RNF128: variants seen among roughly 807,000 people sequenced by gnomAD.
The protein encoded by RNF128 is E3 ubiquitin-protein ligase RNF128.
A neutral mutation model predicts 26.2 loss-of-function variants in RNF128; 13 were observed. That is an observed-to-expected ratio of 0.50 (90% CI 0.32 to 0.79). The LOEUF (loss-of-function observed/expected upper bound fraction) is 0.79. RNF128 is among the 30% of genes least tolerant of loss of function. The pLI, the probability that RNF128 is intolerant of heterozygous loss-of-function variation, is 0.03. For synonymous variants in RNF128, 149 were observed against 142.5 expected, an observed-to-expected ratio of 1.05 and a Z score of -0.32; for missense variants, 315 against 349.7, an observed-to-expected ratio of 0.90 and a Z score of 0.79.
At chrX:106,759,849 T>C (rs943176112) in intron 1 of RNF128, among the ~76,000 whole-genome samples, 2 of 111,574 alleles carry the variant, frequency 1.8e-5, no homozygotes, top group Non-Finnish European at 1.9e-5. Context: ...TTAGATAGAA[T>C]GAGTAAGACC....
chrX:106,714,110 G>A (rs1454926825), intron 1 of RNF128, among the ~76,000 whole-genome samples: 7 of 107,494 alleles, frequency 6.5e-5, no homozygotes, highest in Non-Finnish European at 1.2e-4. Flanking sequence ...CCCAGGAGGC[G>A]GAGCTTGCAG....
At chrX:106,771,458 C>T (rs1205115230) in intron 1 of RNF128, among the ~76,000 whole-genome samples, 5 of 112,809 alleles carry the variant, frequency 4.4e-5, no homozygotes, top group East Asian at 2.8e-4. Flanking sequence ...CAATGGCGTA[C>T]GCCCCTCCCC....
At chrX:106,721,420 G>A (rs1028620036) in intron 1 of RNF128, among the ~76,000 whole-genome samples, 2 of 112,160 alleles carry the variant, frequency 1.8e-5, no homozygotes, top group African/African-American at 6.5e-5. Context: ...TCTCTATAGA[G>A]TCGGTGTGAT....
At chrX:106,785,037 C>T in intron 2 of RNF128, 28 bp from the exon 3 acceptor site, 1 of 1,091,388 alleles carries the variant, frequency 9.2e-7, no homozygotes, top group Non-Finnish European at 1.2e-6. Context: ...AATAGTTTTT[C>T]TAATACCTGC....
At chrX:106,738,068 T>G (rs1342723206) in intron 1 of RNF128, among the ~76,000 whole-genome samples, 4 of 112,084 alleles carry the variant, frequency 3.6e-5, no homozygotes, top group Non-Finnish European at 7.5e-5. Flanking sequence ...TTGATTGCTC[T>G]GTTTTTATTT....
intron 2 of RNF128, among the ~76,000 whole-genome samples, chrX:106,782,018 A>G (rs1439044482): frequency 1.8e-5 from 2 of 112,693 alleles, no homozygotes; most frequent in South Asian, 3.6e-4. Flanking sequence ...TAAGAAAGTT[A>G]TATATTTGGC....
At chrX:106,734,615 C>T (rs1929558618) in intron 1 of RNF128, among the ~76,000 whole-genome samples, 1 of 111,413 alleles carries the variant, frequency 9.0e-6, no homozygotes, top group Non-Finnish European at 1.9e-5. Context: ...TAAGTTCTAT[C>T]GAAGTATAAT....
At chrX:106,778,697 A>G (rs1373884004) in intron 2 of RNF128, among the ~76,000 whole-genome samples, 1 of 111,500 alleles carries the variant, frequency 9.0e-6, no homozygotes. Context: ...TTGGACCCCA[A>G]CACTTAAATT....
intron 1 of RNF128, among the ~76,000 whole-genome samples, chrX:106,750,065 G>A (rs943324025): frequency 8.9e-6 from 1 of 112,030 alleles, no homozygotes; most frequent in Admixed American, 9.4e-5. Flanking sequence ...AGTTCAATCT[G>A]TAACTGAGTG....
At chrX:106,778,364 C>T (rs986419231) in intron 2 of RNF128, among the ~76,000 whole-genome samples, 1 of 112,049 alleles carries the variant, frequency 8.9e-6, no homozygotes, top group Non-Finnish European at 1.9e-5. Context: ...TATAAAAAGG[C>T]TTTGACCAAC....
chrX:106,788,357 CTATATATAATATATAT>C lies in RNF128; in HGVS notation c.887+365_887+380del, dbSNP rs1930702421. On this transcript the variant is annotated intron_variant, in intron 4 of 6. Transcript: ENST00000255499. ...TACTATATATAATATATATTATATA[CTATATATAATATATAT>C]TATATATTATATATAATATATATTA... Among the ~76,000 whole-genome samples, 3 of 34,289 alleles carry C rather than the reference CTATATATAATATATAT, an allele frequency of 8.7e-5. No individual in the cohort carries two copies. The Admixed American group carries it at 1.6e-3, about 19-fold the overall frequency. 29.8% of individuals were successfully genotyped at this position (34,289 alleles called of 115,157 possible).
intron 1 of RNF128, among the ~76,000 whole-genome samples, chrX:106,771,722 C>T (rs2147694592): frequency 8.9e-6 from 1 of 112,763 alleles, no homozygotes; most frequent in African/African-American, 3.2e-5. Context: ...GATGGCCTGC[C>T]CTGCTCCGTG....
At chrX:106,728,383 T>C (rs745516969) in intron 1 of RNF128, among the ~76,000 whole-genome samples, 145 of 112,231 alleles carry the variant, frequency 1.3e-3, no homozygotes, top group African/African-American at 4.7e-3. Context: ...ATTTCAAGTC[T>C]TAGAGTCTGG....
chrX:106,795,005 T>C (rs1325834081), intron 6 of RNF128, among the ~76,000 whole-genome samples: 1 of 112,215 alleles, frequency 8.9e-6, no homozygotes, highest in Non-Finnish European at 1.9e-5. Context: ...TTTTTGTTTT[T>C]AGCCTTACAG....
intron 1 of RNF128, among the ~76,000 whole-genome samples, chrX:106,757,645 TAGTG>T (rs1327545610): frequency 3.2e-5 from 3 of 92,582 alleles, no homozygotes; most frequent in Non-Finnish European, 6.4e-5. Flanking sequence ...GATGACGAGT[TAGTG>T]GGTGCAGCGC....
intron 1 of RNF128, among the ~76,000 whole-genome samples, chrX:106,711,147 T>G (rs1461761540): frequency 8.9e-6 from 1 of 112,348 alleles, no homozygotes; most frequent in Non-Finnish European, 1.9e-5. Context: ...TATAGGAAGA[T>G]GTGCTTATTT....
chrX:106,777,895 G>A (rs1319089486), intron 2 of RNF128, among the ~76,000 whole-genome samples: 1 of 111,030 alleles, frequency 9.0e-6, no homozygotes, highest in African/African-American at 3.3e-5. Flanking sequence ...ACTTGAGCCC[G>A]GGAGGCAGAG....
intron 1 of RNF128, among the ~76,000 whole-genome samples, chrX:106,736,237 GTTACTTGTTTT>G (rs755575634): frequency 1.8e-5 from 2 of 111,456 alleles, no homozygotes; most frequent in Non-Finnish European, 3.8e-5. Flanking sequence ...TTTAAATTGA[GTTACTTGTTTT>G]TAAAATGAGC....
At chrX:106,725,070 T>C (rs1411594860), upstream of RNF128, among the ~76,000 whole-genome samples, 1 of 112,198 alleles carries the variant, frequency 8.9e-6, no homozygotes, top group Non-Finnish European at 1.9e-5. Flanking sequence ...TTGGCTGTCA[T>C]TCAGGTAATA....
Sources: allele counts gnomAD v4.1 joint callset (sites outside exome capture counted in the v4.1 genomes callset), GRCh38; gene constraint gnomAD v4.1.1; transcripts MANE v1.5; gene names NCBI Gene and HGNC (gene_info 2026-07-23, HGNC 2026-07-21).